XRCC5: variants seen among roughly 807,000 people sequenced by gnomAD.
XRCC5 encodes the protein X-ray repair cross complementing 5, also known as DNA repair protein Ku80.
In XRCC5, 12 loss-of-function variants were observed where a neutral mutation model predicts 95.7. The observed-to-expected ratio is 0.13, with a 90% CI of 0.08 to 0.20. The LOEUF (loss-of-function observed/expected upper bound fraction) is 0.20. Among genes scored for constraint, XRCC5 ranks in the 10% least tolerant of loss-of-function variants. XRCC5 has a pLI of 1.00. For missense variants in XRCC5, 595 were observed against 873.9 expected, an observed-to-expected ratio of 0.68 and a Z score of 4.02; for synonymous variants, 281 against 290.3, an observed-to-expected ratio of 0.97 and a Z score of 0.33.
At chr2:216,134,301 G>A (rs1385532624) in intron 10 of XRCC5, among the ~76,000 whole-genome samples, 1 of 152,080 alleles carries the variant, frequency 6.6e-6, no homozygotes, top group East Asian at 1.9e-4. Flanking sequence ...GATTTGCACT[G>A]TGTGTAGAAA....
chr2:216,156,771 A>G (rs75472067), intron 14 of XRCC5: 7,398 of 529,626 alleles, frequency 0.014, 438 homozygotes, highest in African/African-American at 0.13. Context: ...AACAAAGTCT[A>G]TGTCCATGAG....
At chr2:216,143,577 G>T (rs769797456) in intron 13 of XRCC5, among the ~76,000 whole-genome samples, 11 of 152,088 alleles carry the variant, frequency 7.2e-5, no homozygotes, top group Non-Finnish European at 1.3e-4. Context: ...TTTGTTTTGT[G>T]GGGGAGAGTT....
At chr2:216,140,121 A>T (rs976655790) in intron 12 of XRCC5, among the ~76,000 whole-genome samples, 1 of 152,334 alleles carries the variant, frequency 6.6e-6, no homozygotes, top group African/African-American at 2.4e-5. Context: ...CAAGTTCAAG[A>T]TGGTGTTGGC....
intron 10 of XRCC5, among the ~76,000 whole-genome samples, chr2:216,133,498 C>T (rs1460195946): frequency 1.3e-5 from 2 of 152,192 alleles, no homozygotes; most frequent in Non-Finnish European, 2.9e-5. Flanking sequence ...TTAACTTCCA[C>T]TTACTGTCTC....
At chr2:216,196,465 G>A (rs1164641477) in intron 19 of XRCC5, among the ~76,000 whole-genome samples, 2 of 152,106 alleles carry the variant, frequency 1.3e-5, no homozygotes, top group East Asian at 3.9e-4. Context: ...TTCAGTCAAG[G>A]TTCTCCAGAG....
At chr2:216,203,083 C>T (rs1421884790) in intron 19 of XRCC5, among the ~76,000 whole-genome samples, 1 of 152,136 alleles carries the variant, frequency 6.6e-6, no homozygotes, top group African/African-American at 2.4e-5. Context: ...GCAGCTCTTA[C>T]CATTTTTTCA....
At chr2:216,112,950 G>C in intron 1 of XRCC5, 66 bp from the exon 2 acceptor site, 2 of 1,239,114 alleles carry the variant, frequency 1.6e-6, no homozygotes, top group South Asian at 2.6e-5. Flanking sequence ...CAATAAGCAA[G>C]GGACATTCTT....
rs1689931663 is a variant in XRCC5, at chr2:216,205,824, C to T, written c.*622C>T. The T allele has an allele frequency of 6.6e-6, 1 of 152,240 alleles. No homozygotes were observed. Among genetic ancestry groups the T allele is most frequent in the Non-Finnish European group, 1.5e-5 (1 of 68,120 alleles). The allele number at this position is 152,240 out of a possible 1,614,324, so 9.4% of individuals were successfully genotyped here. A position where few individuals can be genotyped will look rare whatever the true frequency, so the allele number is the denominator to read the frequency against. ...TTTAAGTGGGGTGGGAAGGGGAGCA[C>T]AATTTCCCTTCATACTCCTTTTAAG... On this transcript the variant is annotated 3_prime_UTR_variant, in exon 21 of 21. Coordinates refer to ENST00000392132, the MANE Select transcript of XRCC5 (RefSeq NM_021141.4).
At chr2:216,185,551 TTAA>T (rs1689479174) in intron 16 of XRCC5, among the ~76,000 whole-genome samples, 1 of 152,256 alleles carries the variant, frequency 6.6e-6, no homozygotes, top group Non-Finnish European at 1.5e-5. Context: ...TTTTATTCTC[TTAA>T]TAATGAATTA....
chr2:216,124,490 C>A (rs2106005445), intron 6 of XRCC5, among the ~76,000 whole-genome samples: 1 of 152,224 alleles, frequency 6.6e-6, no homozygotes, highest in African/African-American at 2.4e-5. Context: ...GATTTTAGGC[C>A]ATGAGGTTTA....
At chr2:216,118,981 T>A (rs1477674943) in intron 4 of XRCC5, 62 bp from the exon 5 acceptor site, 1 of 1,573,540 alleles carries the variant, frequency 6.4e-7, no homozygotes, top group East Asian at 2.2e-5. Flanking sequence ...CCAAGTGTAT[T>A]TGAATTTGTA....
chr2:216,180,876 G>T (rs1292658945), intron 16 of XRCC5, among the ~76,000 whole-genome samples: 6 of 150,254 alleles, frequency 4.0e-5, no homozygotes, highest in African/African-American at 1.2e-4. Context: ...GCAATGGCGC[G>T]ATCTCGGCTC....
intron 16 of XRCC5, chr2:216,175,714 C>T (rs1689258760): frequency 1.1e-5 from 5 of 445,126 alleles, no homozygotes; most frequent in South Asian, 7.3e-5. Flanking sequence ...TTTGGTTCCA[C>T]TCCACACCCA....
chr2:216,173,828 G>C (rs1423389938), intron 16 of XRCC5, among the ~76,000 whole-genome samples: 1 of 152,140 alleles, frequency 6.6e-6, no homozygotes, highest in South Asian at 2.1e-4. Context: ...ATGTGGGGTG[G>C]TCTCCTCCAG....
Position 216,119,195 on chromosome 2 carries a change from A to G in XRCC5, c.491+30A>G, listed in dbSNP as rs763549800. 7 of 1,612,260 alleles carry G rather than the reference A, an allele frequency of 4.3e-6. No individual in the cohort carries two copies. In the South Asian group the frequency reaches 6.6e-5, roughly 15 times the overall value. On this transcript the variant is annotated intron_variant, in intron 5 of 20. Transcript: ENST00000392132. ...GATCCTAAGAATAATGCATGTAGAC[A>G]AATCCTATGATTTCCTAATATAGTG...
At chr2:216,146,661 T>C (rs1271352612) in intron 13 of XRCC5, among the ~76,000 whole-genome samples, 1 of 152,244 alleles carries the variant, frequency 6.6e-6, no homozygotes, top group Non-Finnish European at 1.5e-5. Flanking sequence ...TCTATACTCC[T>C]TTTAGAGCAT....
Position 216,204,476 on chromosome 2 carries a change from C to T in XRCC5, c.2184+80C>T, listed in dbSNP as rs1255725733. On this transcript the variant is annotated intron_variant, in intron 20 of 20. Transcript: ENST00000392132. ...AAATACAGCCACAAAGGCTGATTAT[C>T]TTACACTTGTTGCTTATTTGTGTTT... The T allele has an allele frequency of 4.1e-6, 6 of 1,468,646 alleles. No individual in the cohort carries two copies. The African/African-American group carries it at 8.4e-5, about 20-fold the overall frequency. The allele number at this position is 1,468,646 out of a possible 1,614,324, so 91.0% of individuals were successfully genotyped here. A position where few individuals can be genotyped will look rare whatever the true frequency, so the allele number is the denominator to read the frequency against.
intron 12 of XRCC5, among the ~76,000 whole-genome samples, chr2:216,139,013 T>A (rs778750873): frequency 2.0e-5 from 3 of 152,158 alleles, no homozygotes; most frequent in Non-Finnish European, 2.9e-5. Context: ...TATCTTTATC[T>A]TCCTTCTAGA....
intron 14 of XRCC5, among the ~76,000 whole-genome samples, chr2:216,158,301 A>G (rs1199854931): frequency 6.6e-6 from 1 of 152,226 alleles, no homozygotes; most frequent in Non-Finnish European, 1.5e-5. Context: ...AGAGGTTTGT[A>G]GCTTACTAGA....
Sources: allele counts gnomAD v4.1 joint callset (sites outside exome capture counted in the v4.1 genomes callset), GRCh38; gene constraint gnomAD v4.1.1; transcripts MANE v1.5; gene names NCBI Gene and HGNC (gene_info 2026-07-23, HGNC 2026-07-21).